TENM1: variants seen among roughly 807,000 people sequenced by gnomAD.
The protein encoded by TENM1 is teneurin transmembrane protein 1.
TENM1 carries 35 observed loss-of-function variants against 174.8 expected under a neutral mutation model. That is an observed-to-expected ratio of 0.20 (90% CI 0.15 to 0.27). The LOEUF (loss-of-function observed/expected upper bound fraction) is 0.27, where lower values mean the gene tolerates loss of function less well. Ranked by LOEUF, TENM1 falls within the 10% of genes least tolerant of loss-of-function variation. The probability of loss-of-function intolerance (pLI) is 1.00; values close to 1 mark genes in which losing one functional copy is unlikely to be tolerated. For missense variants in TENM1, 1,633 were observed against 2,130.1 expected, an observed-to-expected ratio of 0.77 and a Z score of 4.59; for synonymous variants, 781 against 798.7, an observed-to-expected ratio of 0.98 and a Z score of 0.37.
intron 5 of TENM1, among the ~76,000 whole-genome samples, chrX:124,693,756 GT>G (rs1398013788): frequency 2.2e-4 from 23 of 105,983 alleles, no homozygotes; most frequent in East Asian, 8.9e-4. Context: ...GCTATTAGAA[GT>G]TTTTTTTTTA....
the TENM1 span, among the ~76,000 whole-genome samples, chrX:124,977,114 T>C: frequency 3.6e-5 from 4 of 111,813 alleles, no homozygotes; most frequent in East Asian, 1.1e-3. Flanking sequence ...TCACGTACTG[T>C]ATGCCATTGG....
intron 3 of TENM1, among the ~76,000 whole-genome samples, chrX:124,748,402 G>A (rs2053983768): frequency 9.1e-6 from 1 of 110,220 alleles, no homozygotes; most frequent in Non-Finnish European, 1.9e-5. Context: ...ATTGTTATGT[G>A]TACAGAATAA....
intron 3 of TENM1, among the ~76,000 whole-genome samples, chrX:124,820,374 C>T (rs1257320401): frequency 9.0e-6 from 1 of 111,527 alleles, no homozygotes; most frequent in Non-Finnish European, 1.9e-5. Context: ...CATTTGGGTT[C>T]TCTCCAATTC....
chrX:124,838,334 T>C (rs955733249), intron 3 of TENM1, among the ~76,000 whole-genome samples: 1 of 112,319 alleles, frequency 8.9e-6, no homozygotes, highest in Non-Finnish European at 1.9e-5. Context: ...AGAAACTATC[T>C]GACTTTGCCT....
intron 5 of TENM1, among the ~76,000 whole-genome samples, chrX:124,680,045 G>A (rs2052195728): frequency 1.8e-5 from 2 of 110,833 alleles, no homozygotes; most frequent in African/African-American, 3.3e-5. Context: ...AAAGAACTTC[G>A]CTAATTAAAA....
At chrX:125,127,274 C>T in the TENM1 span, among the ~76,000 whole-genome samples, 1 of 111,564 alleles carries the variant, frequency 9.0e-6, no homozygotes, top group Non-Finnish European at 1.9e-5. Context: ...TCAAAAGCTA[C>T]CAGAACTCTT....
chrX:124,759,662 C>T (rs1411810149), intron 3 of TENM1, among the ~76,000 whole-genome samples: 2 of 111,969 alleles, frequency 1.8e-5, no homozygotes, highest in Non-Finnish European at 3.8e-5. Context: ...ATCATACAGC[C>T]TATTCCTTAA....
At chrX:125,086,844 T>A in the TENM1 span, among the ~76,000 whole-genome samples, 15 of 111,215 alleles carry the variant, frequency 1.3e-4, no homozygotes, top group African/African-American at 4.6e-4. Flanking sequence ...TCAACAGTCA[T>A]CACTCTCAGA....
chrX:124,549,754 G>A (rs1010465812), intron 14 of TENM1, among the ~76,000 whole-genome samples: 1 of 110,874 alleles, frequency 9.0e-6, no homozygotes, highest in Non-Finnish European at 1.9e-5. Context: ...TGCAAACCCC[G>A]TATTATAATT....
chrX:124,753,472 C>A (rs2054137430), intron 3 of TENM1, among the ~76,000 whole-genome samples: 1 of 102,428 alleles, frequency 9.8e-6, no homozygotes, highest in South Asian at 4.9e-4. Context: ...TAATTGAATA[C>A]CCTTTATTTC....
intron 1 of TENM1, among the ~76,000 whole-genome samples, chrX:124,955,797 G>GCACGCACACACACACACACA (rs1556430462): frequency 1.1e-5 from 1 of 91,251 alleles, no homozygotes; most frequent in Non-Finnish European, 2.1e-5. Flanking sequence ...ACACGCGCAC[G>GCACGCACACACACACACACA]CACACACACA....
At chrX:124,867,658 G>T (rs2057032146) in intron 3 of TENM1, among the ~76,000 whole-genome samples, 1 of 111,697 alleles carries the variant, frequency 9.0e-6, no homozygotes. Context: ...ATAAGAGAAT[G>T]ATATAAAGGA....
At chrX:124,923,399 C>A (rs906708160) in intron 1 of TENM1, among the ~76,000 whole-genome samples, 9 of 111,742 alleles carry the variant, frequency 8.1e-5, no homozygotes, top group African/African-American at 2.9e-4. Flanking sequence ...AGCTAAAATG[C>A]GTAAATCTGA....
chrX:124,630,728 AGGGATATATATT>A lies in TENM1; in HGVS notation c.2077+11051_2077+11062del, dbSNP rs749656480. ...AGCTACCTTGGGCCTGTGCAAGATT[AGGGATATATATT>A]GGGATATATATCCAATCTGGAAGAA... On this transcript the variant is annotated intron_variant, in intron 11 of 31. Transcript: ENST00000422452. Among the ~76,000 whole-genome samples the A allele has an allele frequency of 4.1e-3, 456 of 111,206 alleles. 3 individuals are homozygous for A. Among genetic ancestry groups the A allele is most frequent in the African/African-American group, 0.014 (424 of 30,499 alleles).
At chrX:124,980,582 T>G in the TENM1 span, among the ~76,000 whole-genome samples, 4 of 111,319 alleles carry the variant, frequency 3.6e-5, no homozygotes, top group African/African-American at 1.3e-4. Context: ...TAGAAAACAA[T>G]TTTAAATAAA....
At chrX:124,416,927 T>C (rs916040114) in intron 25 of TENM1, among the ~76,000 whole-genome samples, 2 of 111,941 alleles carry the variant, frequency 1.8e-5, no homozygotes, top group African/African-American at 6.5e-5. Flanking sequence ...TTCTGTCATA[T>C]AAGGACTCAG....
At chrX:125,195,548 C>A in the TENM1 span, among the ~76,000 whole-genome samples, 1 of 111,752 alleles carries the variant, frequency 8.9e-6, no homozygotes, top group East Asian at 2.8e-4. Context: ...AAGAACAAAA[C>A]AATGAAGAAA....
the TENM1 span, among the ~76,000 whole-genome samples, chrX:125,063,501 C>G: frequency 4.5e-5 from 5 of 111,681 alleles, no homozygotes; most frequent in Admixed American, 2.9e-4. Flanking sequence ...GTGGGCGAAG[C>G]ATATGAACAG....
At chrX:124,644,240 A>G (rs16999338) in intron 10 of TENM1, among the ~76,000 whole-genome samples, 1,125 of 102,719 alleles carry the variant, frequency 0.011, 20 homozygotes, top group African/African-American at 0.039. Flanking sequence ...AGATATAATC[A>G]TCACACCAAA....
Sources: gnomAD v4.1 joint callset for allele counts (sites outside exome capture counted in the v4.1 genomes callset) on GRCh38, gnomAD v4.1.1 for gene constraint, MANE v1.5 for transcripts, NCBI Gene and HGNC (gene_info 2026-07-23, HGNC 2026-07-21) for gene names.